Variants in DDX56 observed in about 807,000 individuals in gnomAD.
The protein encoded by DDX56 is probable ATP-dependent RNA helicase DDX56.
In DDX56, 45 loss-of-function variants were observed where a neutral mutation model predicts 61.5. The observed-to-expected ratio is 0.73, with a 90% CI of 0.58 to 0.94. The LOEUF is 0.94. DDX56 is among the 40% of genes least tolerant of loss of function. The pLI is 0.00. For missense variants in DDX56, 708 were observed against 690.7 expected, an observed-to-expected ratio of 1.02 and a Z score of -0.28; for synonymous variants, 273 against 268.3, an observed-to-expected ratio of 1.02 and a Z score of -0.17.
At position 44,569,127 on chromosome 7, in the gene DDX56, C is replaced by T; in HGVS notation, c.1293+3G>A. The stretch of plus-strand genomic sequence containing the variant: ...CATTCCCCTCCCCACCACAGCAGCT[C>T]ACCCTGCAGCGATAGCGGAAGCCCT... On this transcript the variant is annotated splice_donor_region_variant and intron_variant, in intron 10 of 13. Transcript: ENST00000258772. The T allele has an allele frequency of 6.2e-7, 1 of 1,613,848 alleles. No individual in the cohort carries two copies. Among genetic ancestry groups the T allele is most frequent in the South Asian group, 1.1e-5 (1 of 91,086 alleles).
intron 4 of DDX56, 66 bp downstream of exon 4, chr7:44,572,508 C>G (rs958369606): frequency 1.9e-6 from 3 of 1,613,254 alleles, no homozygotes; most frequent in Non-Finnish European, 2.5e-6. Flanking sequence ...TTCCAGCCAC[C>G]CCGCTCTCGT....
intron 9 of DDX56, 38 bp from the exon 10 acceptor site, chr7:44,569,241 G>C (rs192043858): frequency 1.3e-6 from 2 of 1,595,200 alleles, no homozygotes; most frequent in Admixed American, 1.7e-5. Context: ...CACAGGCTGA[G>C]GCCTTAGGAT....
intron 11 of DDX56, 47 bp downstream of exon 11, chr7:44,568,856 G>C (rs200123604): frequency 6.6e-7 from 1 of 1,518,048 alleles, no homozygotes. Context: ...TCTCCAAAAA[G>C]GGCAGCCGTC....
At chr7:44,570,157 C>G in intron 7 of DDX56, 29 bp from the exon 8 acceptor site, 1 of 1,611,162 alleles carries the variant, frequency 6.2e-7, no homozygotes, top group South Asian at 1.1e-5. Context: ...GTCAGCCGGA[C>G]CCTTCCTCTC....
chr7:44,573,810 G>T, intron 1 of DDX56, 26 bp downstream of exon 1: 1 of 1,613,398 alleles, frequency 6.2e-7, no homozygotes. Flanking sequence ...GAGCCCGTAA[G>T]CCGGCTCCCC....
intron 12 of DDX56, chr7:44,567,863 G>A (rs755411079): frequency 7.5e-6 from 4 of 535,724 alleles, no homozygotes; most frequent in Non-Finnish European, 1.4e-5. Flanking sequence ...GAAATGCTGG[G>A]TCTGCCACCC....
Position 44,565,918 on chromosome 7 carries a change from A to G in DDX56, c.*84T>C, listed in dbSNP as rs116370112. The G allele has an allele frequency of 9.4e-7, 1 of 1,062,836 alleles. No homozygotes were observed. Among genetic ancestry groups the G allele is most frequent in the Non-Finnish European group, 1.4e-6 (1 of 694,708 alleles). The allele number at this position is 1,062,836 out of a possible 1,614,324, so 65.8% of individuals were successfully genotyped here. A position where few individuals can be genotyped will look rare whatever the true frequency, so the allele number is the denominator to read the frequency against. On this transcript the variant is annotated 3_prime_UTR_variant, in exon 14 of 14. Coordinates refer to ENST00000258772, the MANE Select transcript of DDX56 (RefSeq NM_019082.4). ...CCAGAACTGTCTGTTCAGGCTGTGC[A>G]GTAAGCACCAGAGCCTCGCCTGTCC...
chr7:44,573,607 C>CA lies in DDX56; in HGVS notation c.197dup (p.Gln67AlafsTer6), dbSNP rs1437428943. 6.2e-7 allele frequency: 1 copy of CA among 1,613,794 alleles called. No individual in the cohort carries two copies. Among genetic ancestry groups the CA allele is most frequent in the South Asian group, 1.1e-5 (1 of 91,092 alleles). ...CCGCCTTCCTATGGAGCAACAGCTG[C>CA]AGCATCGGAATAGCATAAGCGGCCG... On this transcript the variant is annotated frameshift_variant, in exon 2 of 14. Transcript: ENST00000258772. LOFTEE classifies it high-confidence loss of function.
At chr7:44,569,053 G>A in intron 10 of DDX56, 61 bp from the exon 11 acceptor site, 2 of 1,610,442 alleles carry the variant, frequency 1.2e-6, no homozygotes, top group East Asian at 2.2e-5. Context: ...CTTCACACCT[G>A]GATGCTCAGC....
In DDX56 at chr7:44,570,844, G is replaced by T. The variant is rs1327488054; in HGVS notation, c.924C>A (p.Phe308Leu). The T allele has an allele frequency of 6.2e-7, 1 of 1,613,952 alleles. No homozygotes were observed. Among genetic ancestry groups the T allele is most frequent in the Non-Finnish European group, 8.5e-7 (1 of 1,179,838 alleles). ...CATCAGTTGCTATGACACAGTCGTA[G>T]AAGCCTTGGTTGAACTGTGAGATGA... ...CHIISQFNQG[F>L]YDCVIATDAE... Residue 308 changes from phenylalanine to leucine, a missense_variant, in exon 7 of 14, where the codon TTC becomes TTA. Physicochemically the swap from Phe to Leu is conservative, Grantham distance 22. Coordinates refer to ENST00000258772, the MANE Select transcript of DDX56 (RefSeq NM_019082.4).
intron 13 of DDX56, 134 bp from the exon 14 acceptor site, chr7:44,566,213 A>G: frequency 1.0e-5 from 7 of 673,530 alleles, no homozygotes; most frequent in Non-Finnish European, 1.3e-5. Context: ...GGTGCTGCAG[A>G]TAAGGAAATG....
intron 13 of DDX56, 29 bp from the exon 14 acceptor site, chr7:44,566,108 G>T: frequency 6.7e-7 from 1 of 1,495,566 alleles, no homozygotes; most frequent in Non-Finnish European, 9.2e-7. Context: ...AGGTTAGTTG[G>T]GGGAATCAGG....
In DDX56 at chr7:44,568,213, T is replaced by A. The variant is rs1235925747; in HGVS notation, c.1394A>T (p.Glu465Val). The A allele has an allele frequency of 6.2e-7, 1 of 1,608,766 alleles. No individual in the cohort carries two copies. Among genetic ancestry groups the A allele is most frequent in the African/African-American group, 1.3e-5 (1 of 74,808 alleles). ...LHSEKLKTYF[E>V]DNPRDLQLLR... ...CAGCTGGAGGTCCCTAGGGTTGTCTTCAAAGTATGTCTGCCGGGGGAAGAG... is the reference window on the plus strand; with the variant it reads ...CAGCTGGAGGTCCCTAGGGTTGTCTACAAAGTATGTCTGCCGGGGGAAGAG... Residue 465 changes from glutamate (E) to valine (V), a missense_variant, in exon 12 of 14, where the codon GAA (glutamate) becomes GTA (valine). Glu to Val is a moderately radical substitution (Grantham distance 121, BLOSUM62 -2). Coordinates refer to ENST00000258772, the MANE Select transcript of DDX56 (RefSeq NM_019082.4).
rs7810810 is a variant in DDX56, at chr7:44,566,612, T to G, written c.1490-88A>C. The stretch of plus-strand genomic sequence containing the variant: ...CTGATTCTGCAGCAAATTCTCCAAT[T>G]CTGACCCAACTGGCAGCCTATGACA... On this transcript the variant is annotated intron_variant, in intron 12 of 13. Coordinates refer to ENST00000258772, the MANE Select transcript of DDX56 (RefSeq NM_019082.4). 3.8e-3 allele frequency: 4,227 copies of G among 1,104,660 alleles called. 111 individuals are homozygous for G. The African/African-American group carries it at 0.059, about 15-fold the overall frequency. 68.4% of individuals were successfully genotyped at this position (1,104,660 alleles called of 1,614,324 possible).
At chr7:44,570,681 A>G (rs1585172148) in intron 7 of DDX56, 77 bp downstream of exon 7, 1 of 1,534,408 alleles carries the variant, frequency 6.5e-7, no homozygotes. Flanking sequence ...TGCTCTGTGC[A>G]CTCTGGTTTT....
chr7:44,573,261 G>A (rs1802726996), intron 2 of DDX56, among the ~76,000 whole-genome samples: 1 of 152,230 alleles, frequency 6.6e-6, no homozygotes, highest in Non-Finnish European at 1.5e-5. Flanking sequence ...TGATGTTTAT[G>A]AAGCTACTTT....
intron 2 of DDX56, 140 bp downstream of exon 2, chr7:44,573,443 T>G: frequency 8.9e-7 from 1 of 1,126,808 alleles, no homozygotes; most frequent in Non-Finnish European, 1.3e-6. Context: ...CAGCCCAGAG[T>G]GTTTGCCACA....
At position 44,569,208 on chromosome 7, in the gene DDX56, G is replaced by A; in HGVS notation, c.1220-5C>T. Reference sequence around the variant, plus strand: ...GCAGAATGGGGCCCCTGTTCTCTGTGGAGAAGAAAGCAGCGAGGGTCCCAC... The same window carrying A: ...GCAGAATGGGGCCCCTGTTCTCTGTAGAGAAGAAAGCAGCGAGGGTCCCAC... On this transcript the variant is annotated splice_polypyrimidine_tract_variant and splice_region_variant and intron_variant, in intron 9 of 13. Transcript: ENST00000258772. 6.2e-7 allele frequency: 1 copy of A among 1,613,470 alleles called. No homozygotes were observed. Among genetic ancestry groups the A allele is most frequent in the East Asian group, 2.2e-5 (1 of 44,882 alleles).
intron 12 of DDX56, among the ~76,000 whole-genome samples, chr7:44,567,010 TG>T (rs1025198915): frequency 6.6e-6 from 1 of 152,100 alleles, no homozygotes; most frequent in African/African-American, 2.4e-5. Flanking sequence ...CTAAACCTCC[TG>T]GCCACACCTT....
Sources: allele counts gnomAD v4.1 joint callset (sites outside exome capture counted in the v4.1 genomes callset), GRCh38; gene constraint gnomAD v4.1.1; transcripts MANE v1.5; gene names NCBI Gene and HGNC (gene_info 2026-07-23, HGNC 2026-07-21).